The following CRTAC1 variants were observed in gnomAD, a reference collection of about 807,000 sequenced individuals.
CRTAC1 encodes cartilage acidic protein 1.
In CRTAC1, 37 loss-of-function variants were observed where a neutral mutation model predicts 67.8. The ratio of observed to expected loss-of-function variants is 0.55; its 90% CI spans 0.42 to 0.72. The LOEUF (loss-of-function observed/expected upper bound fraction) is 0.72. CRTAC1 is among the 30% of genes least tolerant of loss of function. The pLI, the probability that CRTAC1 is intolerant of heterozygous loss-of-function variation, is 0.00. For synonymous variants in CRTAC1, 348 were observed against 371.0 expected, an observed-to-expected ratio of 0.94 and a Z score of 0.71; for missense variants, 780 against 931.6, an observed-to-expected ratio of 0.84 and a Z score of 2.12.
intron 3 of CRTAC1, among the ~76,000 whole-genome samples, chr10:97,931,922 C>T (rs1000149214): frequency 9.9e-5 from 15 of 152,092 alleles, no homozygotes; most frequent in African/African-American, 3.6e-4. Flanking sequence ...CTCTTGTCCC[C>T]CTGCGTCCTG....
At position 98,029,512 on chromosome 10, in the gene CRTAC1, G is replaced by A. The variant is rs1472700143; in HGVS notation, c.24+937C>T. Reference sequence around the variant, plus strand: ...CAGCAGCGGCGGCGGCGGCGGCGGCGGCGGCGGCGGCGGCGGCAGCAGCAG... The same window carrying A: ...CAGCAGCGGCGGCGGCGGCGGCGGCAGCGGCGGCGGCGGCGGCAGCAGCAG... On this transcript the variant is annotated intron_variant, in intron 1 of 14. Transcript: ENST00000370597. This position sits in a 1 kb window ranked among gnomAD's most constrained non-coding sequence, Gnocchi z 4.7. Among the ~76,000 whole-genome samples the A allele has an allele frequency of 4.7e-5, 7 of 149,822 alleles. No individual in the cohort carries two copies. Among genetic ancestry groups the A allele is most frequent in the Admixed American group, 1.3e-4 (2 of 15,178 alleles).
chr10:97,998,257 G>A (rs1208011141), intron 2 of CRTAC1, among the ~76,000 whole-genome samples: 2 of 152,178 alleles, frequency 1.3e-5, no homozygotes, highest in Non-Finnish European at 2.9e-5. Context: ...ACAGGCATGA[G>A]CCACTGTTCC....
chr10:98,012,472 C>T (rs908562407), intron 1 of CRTAC1, among the ~76,000 whole-genome samples: 2 of 152,180 alleles, frequency 1.3e-5, no homozygotes, highest in African/African-American at 4.8e-5. Context: ...GCAGGCAAAG[C>T]GGTACTTTCC....
Position 97,874,646 on chromosome 10 carries a change from T to C in CRTAC1, c.1819+5603A>G, listed in dbSNP as rs76598459. Among the ~76,000 whole-genome samples the C allele has an allele frequency of 9.7e-3, 1,478 of 152,218 alleles. 21 individuals carry two copies. Among genetic ancestry groups the C allele is most frequent in the African/African-American group, 0.032 (1,337 of 41,526 alleles). ...CCTGAACGTGGCTACTTAATAATAGTATCTCTAATTTGTTGGGGGCTTTCT... is the reference window on the plus strand; with the variant it reads ...CCTGAACGTGGCTACTTAATAATAGCATCTCTAATTTGTTGGGGGCTTTCT... On this transcript the variant is annotated intron_variant, in intron 14 of 14. Transcript: ENST00000370597.
At chr10:98,000,682 C>A (rs1180583252) in intron 2 of CRTAC1, among the ~76,000 whole-genome samples, 11 of 152,196 alleles carry the variant, frequency 7.2e-5, no homozygotes, top group Admixed American at 7.2e-4. Context: ...AGGTGTCTGG[C>A]TAGAAGAGCG....
chr10:97,909,646 G>T (rs1006563342), intron 5 of CRTAC1, among the ~76,000 whole-genome samples: 2 of 151,992 alleles, frequency 1.3e-5, no homozygotes, highest in Admixed American at 6.6e-5. Context: ...ACAGTATAAG[G>T]CTCCTTAAAA....
At chr10:97,960,309 C>T (rs976149976) in intron 2 of CRTAC1, among the ~76,000 whole-genome samples, 9 of 152,176 alleles carry the variant, frequency 5.9e-5, no homozygotes, top group Non-Finnish European at 1.2e-4. Context: ...TTGTCAGCAG[C>T]ATCACATATT....
chr10:97,910,476 T>A (rs984186476), intron 5 of CRTAC1, among the ~76,000 whole-genome samples: 18 of 152,176 alleles, frequency 1.2e-4, no homozygotes, highest in Non-Finnish European at 2.9e-5. Flanking sequence ...TATGTGCGCA[T>A]TAAAGTTTGA....
rs1419274799 is a variant in CRTAC1 at position 97,936,331 on chromosome 10, C to T, written c.260G>A (p.Arg87Gln). 19 of 1,612,706 alleles carry T rather than the reference C, an allele frequency of 1.2e-5. No homozygotes were observed. The highest frequency in any genetic ancestry group is 4.5e-5 in the East Asian group (2 of 44,836). Residue 87 changes from arginine to glutamine, a missense_variant, in exon 3 of 15, where the codon CGG becomes CAG. By Grantham distance (43) the Arg-to-Gln change is conservative. Coordinates refer to ENST00000370597, the MANE Select transcript of CRTAC1 (RefSeq NM_018058.7). ...NGPNLVLKYD[R>Q]AQKRLVNIAV... The stretch of plus-strand genomic sequence containing the variant: ...GATGTTCACCAGCCGCTTCTGGGCC[C>T]GGTCATACTTCAGAACCAGGTTGGG...
chr10:97,997,719 T>A (rs1842610711), intron 2 of CRTAC1, among the ~76,000 whole-genome samples: 1 of 152,114 alleles, frequency 6.6e-6, no homozygotes, highest in African/African-American at 2.4e-5. Context: ...TCAGGGAGAT[T>A]TGAAAAGAAC....
chr10:97,894,302 T>C (rs2050419251), intron 11 of CRTAC1, among the ~76,000 whole-genome samples: 1 of 152,208 alleles, frequency 6.6e-6, no homozygotes, highest in Non-Finnish European at 1.5e-5. Context: ...ATTGTTGCTA[T>C]TTTTAATTTT....
intron 2 of CRTAC1, among the ~76,000 whole-genome samples, chr10:97,979,965 GC>G (rs2051865955): frequency 6.6e-6 from 1 of 152,174 alleles, no homozygotes; most frequent in Non-Finnish European, 1.5e-5. Flanking sequence ...AGCTCCAAGG[GC>G]CTGGGGGCTG....
rs1003418911 is a variant in CRTAC1 at position 98,029,621 on chromosome 10, T to C, written c.24+828A>G. 4.6e-5 allele frequency among the ~76,000 whole-genome samples: 7 copies of C among 152,164 alleles called. No individual in the cohort carries two copies. The highest frequency in any genetic ancestry group is 1.7e-4 in the African/African-American group (7 of 41,444). ...TCCCCGCCACTCTGGGAGGCTTCCA[T>C]CCAGGCTGGGATGACTTTGGATTCT... On this transcript the variant is annotated intron_variant, in intron 1 of 14. Coordinates refer to ENST00000370597, the MANE Select transcript of CRTAC1 (RefSeq NM_018058.7). The surrounding 1 kb of genome is among the most constrained non-coding windows in gnomAD (Gnocchi z 4.7).
chr10:97,901,585 C>A lies in CRTAC1; in HGVS notation c.1051G>T (p.Ala351Ser). The A allele has an allele frequency of 1.2e-6, 2 of 1,614,124 alleles. No individual in the cohort carries two copies. ...MPSPVRTVITADFDNDQELEI... is the reference protein window; with the variant it reads ...MPSPVRTVITSDFDNDQELEI... The stretch of plus-strand genomic sequence containing the variant: ...AGCTCCTGGTCATTGTCAAAGTCGG[C>A]GGTGATGACCGTGCGGACAGGGGAG... Residue 351 changes from alanine to serine, a missense_variant, in exon 8 of 15, where the codon GCC (alanine) becomes TCC (serine). Physicochemically the swap from Ala to Ser is moderately conservative, Grantham distance 99. Coordinates refer to ENST00000370597, the MANE Select transcript of CRTAC1 (RefSeq NM_018058.7).
chr10:97,907,998 G>A lies in CRTAC1; in HGVS notation c.850+15C>T, dbSNP rs1384182931. ...GAGGGGTCAGGGTGCACAGGGCATG[G>A]CTGCCTCCACTCACCAGCACTGGCC... On this transcript the variant is annotated intron_variant, in intron 6 of 14. Coordinates refer to ENST00000370597, the MANE Select transcript of CRTAC1 (RefSeq NM_018058.7). 1 of 1,613,750 alleles carries A rather than the reference G, an allele frequency of 6.2e-7. No homozygotes were observed. Among genetic ancestry groups the A allele is most frequent in the Non-Finnish European group, 8.5e-7 (1 of 1,179,794 alleles).
intron 2 of CRTAC1, among the ~76,000 whole-genome samples, chr10:97,997,451 C>CAAAAAAAAAAAAAAAAAAAAA (rs746635057): frequency 2.1e-5 from 1 of 48,236 alleles, no homozygotes; most frequent in Non-Finnish European, 4.1e-5. Context: ...GACTCTGTCT[C>CAAAAAAAAAAAAAAAAAAAAA]AAAAAAAAAA....
intron 2 of CRTAC1, among the ~76,000 whole-genome samples, chr10:98,002,936 A>G (rs12357890): frequency 0.52 from 76,828 of 149,140 alleles, 20,153 homozygotes; most frequent in Non-Finnish European, 0.56. Flanking sequence ...CCGCCACCAC[A>G]CCCAGCTAAT....
At chr10:97,879,649 A>C (rs1212210544) in intron 14 of CRTAC1, 1 of 1,534,894 alleles carries the variant, frequency 6.5e-7, no homozygotes, top group Non-Finnish European at 8.8e-7. Flanking sequence ...AAAGGCTGTT[A>C]GTTTTGTTTT....
chr10:97,917,095 C>T (rs919073971), intron 5 of CRTAC1, among the ~76,000 whole-genome samples: 5 of 152,184 alleles, frequency 3.3e-5, no homozygotes, highest in Admixed American at 6.5e-5. Context: ...ATTTCATCTG[C>T]GATTTGGCAA....
Sources: allele counts gnomAD v4.1 joint callset (sites outside exome capture counted in the v4.1 genomes callset), GRCh38; gene constraint gnomAD v4.1.1; non-coding constraint Gnocchi (gnomAD v3.1); transcripts MANE v1.5; gene names NCBI Gene and HGNC (gene_info 2026-07-23, HGNC 2026-07-21).